The following NLGN4X variants were observed in gnomAD, a reference collection of about 807,000 sequenced individuals.
NLGN4X encodes neuroligin-4, X-linked.
NLGN4X carries 3 observed loss-of-function variants against 40.3 expected under a neutral mutation model. That is an observed-to-expected ratio of 0.07 (90% CI 0.03 to 0.19). NLGN4X has a LOEUF of 0.19. Ranked by LOEUF, NLGN4X falls within the 10% of genes least tolerant of loss-of-function variation. The probability of loss-of-function intolerance (pLI) is 1.00; values close to 1 mark genes in which losing one functional copy is unlikely to be tolerated. For missense variants in NLGN4X, 382 were observed against 708.3 expected, an observed-to-expected ratio of 0.54 and a Z score of 5.23; for synonymous variants, 270 against 306.8, an observed-to-expected ratio of 0.88 and a Z score of 1.25.
chrX:6,109,112 A>C lies in NLGN4X; in HGVS notation c.472+41883T>G, dbSNP rs536292041. On this transcript the variant is annotated intron_variant, in intron 2 of 5. Coordinates refer to ENST00000381095, the MANE Select transcript of NLGN4X (RefSeq NM_181332.3). The stretch of plus-strand genomic sequence containing the variant: ...TGCTATCGCTACAAAAATCAAAATA[A>C]AAAATTAGCCGGATATGGTGGCATG... Among the ~76,000 whole-genome samples the C allele has an allele frequency of 3.2e-4, 36 of 111,267 alleles. No individual in the cohort carries two copies. The South Asian group carries it at 0.013, about 41-fold the overall frequency.
intron 3 of NLGN4X, among the ~76,000 whole-genome samples, chrX:5,955,303 A>G (rs2034457226): frequency 8.9e-6 from 1 of 112,214 alleles, no homozygotes. Flanking sequence ...GTCAGGTAAG[A>G]AAATAAACAT....
At chrX:6,017,148 G>A in intron 3 of NLGN4X, among the ~76,000 whole-genome samples, 1 of 111,589 alleles carries the variant, frequency 9.0e-6, no homozygotes, top group East Asian at 2.8e-4. Flanking sequence ...AATAGGAGTT[G>A]GAGATAAGCT....
chrX:6,135,773 C>T lies in NLGN4X; in HGVS notation c.472+15222G>A, dbSNP rs187756595. Among the ~76,000 whole-genome samples, 213 of 111,681 alleles carry T rather than the reference C, an allele frequency of 1.9e-3. 1 individual carries two copies. The highest frequency in any genetic ancestry group is 0.018 in the Admixed American group (185 of 10,476). On this transcript the variant is annotated intron_variant, in intron 2 of 5. Coordinates refer to ENST00000381095, the MANE Select transcript of NLGN4X (RefSeq NM_181332.3). Reference sequence around the variant, plus strand: ...GCTGTTGACTGCCTACCACCACACACGGACAAGCCTCTCTAAGAAAGCCAA... The same window carrying T: ...GCTGTTGACTGCCTACCACCACACATGGACAAGCCTCTCTAAGAAAGCCAA...
chrX:6,097,425 A>G (rs1011647784), intron 2 of NLGN4X, among the ~76,000 whole-genome samples: 1 of 111,388 alleles, frequency 9.0e-6, no homozygotes, highest in Non-Finnish European at 1.9e-5. Flanking sequence ...GAGAACAAAT[A>G]CAATCTAATG....
At chrX:5,966,193 CTTTA>C (rs1436833241) in intron 3 of NLGN4X, among the ~76,000 whole-genome samples, 7 of 111,999 alleles carry the variant, frequency 6.3e-5, no homozygotes, top group Non-Finnish European at 1.3e-4. Context: ...ATGACATATA[CTTTA>C]TTTATGCTTC....
rs774394405 is a variant in NLGN4X at position 5,903,520 on chromosome X, G to A, written c.1158C>T (p.Asn386=). 9 of 1,209,517 alleles carry A rather than the reference G, an allele frequency of 7.4e-6. No homozygotes were observed. The highest frequency in any genetic ancestry group is 2.3e-4 in the Middle Eastern group (1 of 4,348). Reference sequence around the variant, plus strand: ...AGTCGTTGGGCGTCACACCGTCCTCGTTATCCACGATGCCGTCCACGAACT... The same window carrying A: ...AGTCGTTGGGCGTCACACCGTCCTCATTATCCACGATGCCGTCCACGAACT... The part of the protein sequence containing the change: ...GLKFVDGIVD[N]EDGVTPNDFD... The change falls in exon 5 of 6, where the codon AAC becomes AAT. Residue 386 remains asparagine (N), a synonymous_variant. Coordinates refer to ENST00000381095, the MANE Select transcript of NLGN4X (RefSeq NM_181332.3).
chrX:6,196,066 T>C lies in NLGN4X; in HGVS notation c.-306+32475A>G, dbSNP rs577790672. Among the ~76,000 whole-genome samples the C allele has an allele frequency of 7.2e-5, 8 of 111,777 alleles. 1 individual carries two copies. In the South Asian group the frequency reaches 3.1e-3, roughly 43 times the overall value. On this transcript the variant is annotated intron_variant, in intron 1 of 5. Transcript: ENST00000381095. ...TATTAGCCTACCAAAGTGCTGAGAT[T>C]AATAATAGTCATGAGCCACCACCCC...
chrX:6,036,126 T>C (rs940683057), intron 2 of NLGN4X, among the ~76,000 whole-genome samples: 2 of 111,683 alleles, frequency 1.8e-5, no homozygotes, highest in African/African-American at 6.5e-5. Flanking sequence ...GTGAGTTGCC[T>C]GCTATCTTGA....
At chrX:6,211,479 C>T (rs1924597841) in intron 1 of NLGN4X, among the ~76,000 whole-genome samples, 1 of 111,437 alleles carries the variant, frequency 9.0e-6, no homozygotes, top group Non-Finnish European at 1.9e-5. Context: ...CCTAAAATAG[C>T]TTATGCTATC....
chrX:6,176,631 T>C (rs113267419), intron 1 of NLGN4X, among the ~76,000 whole-genome samples: 2,676 of 111,843 alleles, frequency 0.024, 78 homozygotes, highest in African/African-American at 0.08. Flanking sequence ...GATGACAGAA[T>C]GAGAAGGACT....
intron 2 of NLGN4X, among the ~76,000 whole-genome samples, chrX:6,134,755 T>C (rs1997481): frequency 0.47 from 52,682 of 111,146 alleles, 8,893 homozygotes; most frequent in Non-Finnish European, 0.51. Flanking sequence ...TGCACAAGAA[T>C]TGAAGACCAG....
intron 3 of NLGN4X, among the ~76,000 whole-genome samples, chrX:5,923,940 T>C (rs755526706): frequency 8.9e-6 from 1 of 111,901 alleles, no homozygotes; most frequent in Non-Finnish European, 1.9e-5. Context: ...TAAATATACA[T>C]GTCTCCAAGA....
intron 1 of NLGN4X, among the ~76,000 whole-genome samples, chrX:6,166,280 G>A (rs930231262): frequency 9.0e-6 from 1 of 110,708 alleles, no homozygotes; most frequent in Non-Finnish European, 1.9e-5. Context: ...ATTGATTGTA[G>A]AAACAGAGTC....
At chrX:5,902,972 G>T in intron 5 of NLGN4X, 105 bp downstream of exon 5, 1 of 881,920 alleles carries the variant, frequency 1.1e-6, no homozygotes, top group Non-Finnish European at 1.7e-6. Flanking sequence ...GTGTATGTGT[G>T]TGTATGCGTG....
At chrX:5,959,364 G>A (rs914758159) in intron 3 of NLGN4X, among the ~76,000 whole-genome samples, 1 of 111,917 alleles carries the variant, frequency 8.9e-6, no homozygotes, top group Admixed American at 9.5e-5. Flanking sequence ...TTCTCTAAAC[G>A]ATTTTAGCCA....
intron 5 of NLGN4X, among the ~76,000 whole-genome samples, chrX:5,899,979 T>C (rs1474464670): frequency 8.9e-6 from 1 of 112,127 alleles, no homozygotes; most frequent in Non-Finnish European, 1.9e-5. Context: ...TGGATGCCAA[T>C]GTAGCGAAGA....
intron 2 of NLGN4X, among the ~76,000 whole-genome samples, chrX:6,034,852 G>A (rs1320591981): frequency 2.7e-5 from 3 of 110,380 alleles, no homozygotes; most frequent in Non-Finnish European, 5.7e-5. Flanking sequence ...GGGACTACAG[G>A]CATGCACCAC....
chrX:5,939,733 T>A (rs2146899550), intron 3 of NLGN4X, among the ~76,000 whole-genome samples: 1 of 111,233 alleles, frequency 9.0e-6, no homozygotes, highest in African/African-American at 3.3e-5. Flanking sequence ...TATTCTCAGT[T>A]CCCAGTTATG....
chrX:6,121,009 T>C (rs2039410750), intron 2 of NLGN4X, among the ~76,000 whole-genome samples: 1 of 111,872 alleles, frequency 8.9e-6, no homozygotes, highest in Non-Finnish European at 1.9e-5. Context: ...TTACCTCTGT[T>C]TGAAGAAGCA....
Sources: allele counts gnomAD v4.1 joint callset (sites outside exome capture counted in the v4.1 genomes callset), GRCh38; gene constraint gnomAD v4.1.1; transcripts MANE v1.5; gene names NCBI Gene and HGNC (gene_info 2026-07-23, HGNC 2026-07-21).